The following ZC2HC1C variants were observed in gnomAD, a reference collection of about 807,000 sequenced individuals.
ZC2HC1C encodes zinc finger C2HC-type containing 1C, also known as zinc finger C2HC domain-containing protein 1C.
Under a neutral mutation model 39.2 loss-of-function variants are expected in ZC2HC1C, and 25 were observed. The observed-to-expected ratio is 0.64, with a 90% CI of 0.47 to 0.89. The LOEUF (loss-of-function observed/expected upper bound fraction) is 0.89. ZC2HC1C is among the 40% of genes least tolerant of loss of function. The pLI, the probability that ZC2HC1C is intolerant of heterozygous loss-of-function variation, is 0.00. For missense variants in ZC2HC1C, 519 were observed against 548.6 expected (o/e 0.95, Z 0.54); for synonymous variants, 209 against 214.4 (o/e 0.97, Z 0.22).
chr14:75,076,678 C>T (rs1893685523), intron 2 of ZC2HC1C, among the ~76,000 whole-genome samples: 1 of 152,078 alleles, frequency 6.6e-6, no homozygotes, highest in Non-Finnish European at 1.5e-5. Context: ...TTTATGGACA[C>T]AATCTCTTCT....
At chr14:75,072,708 A>C (rs980552437) in intron 2 of ZC2HC1C, among the ~76,000 whole-genome samples, 3 of 152,212 alleles carry the variant, frequency 2.0e-5, no homozygotes, top group African/African-American at 7.2e-5. Context: ...AGGTTGTGCC[A>C]CTTGGTTTAT....
Position 75,071,229 on chromosome 14 carries a change from C to G in ZC2HC1C, c.656C>G (p.Ala219Gly), listed in dbSNP as rs766959291. Residue 219 changes from alanine to glycine, a missense_variant, in exon 2 of 3, where the codon GCA (alanine) becomes GGA (glycine). Coordinates refer to ENST00000524913, the MANE Select transcript of ZC2HC1C (RefSeq NM_024643.4). Reference sequence around the variant, plus strand: ...GTGCAGATCCGAAGACTAGAAGCTGCAGGGGAGAGCTTAGAGGAGGAAATC... The same window carrying G: ...GTGCAGATCCGAAGACTAGAAGCTGGAGGGGAGAGCTTAGAGGAGGAAATC... ...EWVQIRRLEA[A>G]GESLEEEIRR... The G allele has an allele frequency of 1.2e-6, 2 of 1,614,024 alleles. No individual in the cohort carries two copies. Among genetic ancestry groups the G allele is most frequent in the African/African-American group, 2.7e-5 (2 of 74,896 alleles).
At position 75,077,625 on chromosome 14, in the gene ZC2HC1C, A is replaced by C; in HGVS notation, c.*61A>C. 6.2e-7 allele frequency: 1 copy of C among 1,605,410 alleles called. No homozygotes were observed. The highest frequency in any genetic ancestry group is 8.5e-7 in the Non-Finnish European group (1 of 1,173,072). On this transcript the variant is annotated 3_prime_UTR_variant, in exon 3 of 3. Coordinates refer to ENST00000524913, the MANE Select transcript of ZC2HC1C (RefSeq NM_024643.4). The stretch of plus-strand genomic sequence containing the variant: ...TCGAGAGGTCCAGCAGGTAACTGCC[A>C]AAGGTGGAAACTGTTCACACTTGCC...
Position 75,071,374 on chromosome 14 carries a change from AC to A in ZC2HC1C, c.802del (p.Leu268SerfsTer65). 6.2e-7 allele frequency: 1 copy of A among 1,613,882 alleles called. No homozygotes were observed. ...NENGELQKII[L>X]PRSRVKGNKS... ...AAAACGGAGAGCTACAGAAAATTAT[AC>A]TCCCCAGGAGCAGAGTTAAAGGTAA... On this transcript the variant is annotated frameshift_variant, in exon 2 of 3. Transcript: ENST00000524913. LOFTEE classifies it high-confidence loss of function.
At chr14:75,074,336 A>T (rs916346964) in intron 2 of ZC2HC1C, among the ~76,000 whole-genome samples, 2 of 152,132 alleles carry the variant, frequency 1.3e-5, no homozygotes, top group Admixed American at 1.3e-4. Flanking sequence ...ATTATTCATC[A>T]TTAACAATGC....
At chr14:75,073,786 G>A (rs1466027857) in intron 2 of ZC2HC1C, among the ~76,000 whole-genome samples, 1 of 152,196 alleles carries the variant, frequency 6.6e-6, no homozygotes, top group East Asian at 1.9e-4. Flanking sequence ...TCAGTACAAT[G>A]AGGAATAAAA....
rs540850941 is a variant in ZC2HC1C, at chr14:75,076,462, A to ATGGG, written c.1339-1069_1339-1068insGGGT. The stretch of plus-strand genomic sequence containing the variant: ...TTTGTGTATTTTTAGTAGAGATGGG[A>ATGGG]TTTCACCGTCTTAGCCAGGATGGTC... On this transcript the variant is annotated intron_variant, in intron 2 of 2. Coordinates refer to ENST00000524913, the MANE Select transcript of ZC2HC1C (RefSeq NM_024643.4). 7.7e-4 allele frequency among the ~76,000 whole-genome samples: 117 copies of ATGGG among 151,946 alleles called. 1 individual carries two copies. The highest frequency in any genetic ancestry group is 2.5e-3 in the African/African-American group (105 of 41,484).
intron 2 of ZC2HC1C, among the ~76,000 whole-genome samples, chr14:75,073,328 A>C (rs1327459663): frequency 6.6e-6 from 1 of 152,224 alleles, no homozygotes; most frequent in Non-Finnish European, 1.5e-5. Context: ...ATCCACTGGG[A>C]ATTCACTCTA....
At chr14:75,074,355 C>G (rs1893566428) in intron 2 of ZC2HC1C, among the ~76,000 whole-genome samples, 1 of 152,058 alleles carries the variant, frequency 6.6e-6, no homozygotes, top group African/African-American at 2.4e-5. Flanking sequence ...GCCAGATCAC[C>G]AAGAGCTAGT....
Position 75,078,982 on chromosome 14 carries a change from GTA to G in ZC2HC1C, c.*1420_*1421del, listed in dbSNP as rs1224099864. 6.6e-6 allele frequency: 1 copy of G among 151,900 alleles called. No homozygotes were observed. Among genetic ancestry groups the G allele is most frequent in the Non-Finnish European group, 1.5e-5 (1 of 67,972 alleles). The allele number at this position is 151,900 out of a possible 1,614,324, so 9.4% of individuals were successfully genotyped here. A position where few individuals can be genotyped will look rare whatever the true frequency, so the allele number is the denominator to read the frequency against. On this transcript the variant is annotated 3_prime_UTR_variant, in exon 3 of 3. Transcript: ENST00000524913. ...AACTGATAAGTTAATGTCTGCGAGAGTATTATCAGTTCAGATAGGAGTGAAGT... is the reference window on the plus strand; with the variant it reads ...AACTGATAAGTTAATGTCTGCGAGAGTTATCAGTTCAGATAGGAGTGAAGT...
Position 75,071,555 on chromosome 14 carries a change from A to T in ZC2HC1C, c.982A>T (p.Arg328Trp). 6.2e-7 allele frequency: 1 copy of T among 1,614,076 alleles called. No homozygotes were observed. Among genetic ancestry groups the T allele is most frequent in the South Asian group, 1.1e-5 (1 of 91,066 alleles). ...TGATTATAGAATCCAGAGGCTCAAA[A>T]GGGAAAGGCTGGTAGCAAGCAATAA... ...FSDYRIQRLK[R>W]ERLVASNNKI... The change falls in exon 2 of 3, where the codon AGG becomes TGG. Residue 328 changes from arginine to tryptophan, a missense_variant. Coordinates refer to ENST00000524913, the MANE Select transcript of ZC2HC1C (RefSeq NM_024643.4).
chr14:75,075,660 T>C (rs938505437), intron 2 of ZC2HC1C, among the ~76,000 whole-genome samples: 2 of 152,232 alleles, frequency 1.3e-5, no homozygotes, highest in Admixed American at 6.5e-5. Context: ...TATTTTGAAA[T>C]TCTGAAACTT....
rs568787362 is a variant in ZC2HC1C at position 75,071,687 on chromosome 14, A to G, written c.1114A>G (p.Met372Val). Residue 372 changes from methionine to valine, a missense_variant, in exon 2 of 3, where the codon ATG becomes GTG. Physicochemically the swap from Met to Val is conservative, Grantham distance 21 (BLOSUM62 1). Coordinates refer to ENST00000524913, the MANE Select transcript of ZC2HC1C (RefSeq NM_024643.4). ...ATCCGCCAGAAATTCCAGCCTGTCCATGGCACCAGACTCCTCAGGTTCCAG... is the reference window on the plus strand; with the variant it reads ...ATCCGCCAGAAATTCCAGCCTGTCCGTGGCACCAGACTCCTCAGGTTCCAG... ...QGSARNSSLS[M>V]APDSSGSSGS... The G allele has an allele frequency of 1.2e-6, 2 of 1,614,204 alleles. No homozygotes were observed. Among genetic ancestry groups the G allele is most frequent in the Admixed American group, 1.7e-5 (1 of 60,030 alleles).
intron 2 of ZC2HC1C, among the ~76,000 whole-genome samples, chr14:75,075,718 G>T (rs1893637174): frequency 6.6e-6 from 1 of 152,090 alleles, no homozygotes; most frequent in Non-Finnish European, 1.5e-5. Context: ...ATCTCAAAAT[G>T]TGTGACCTTT....
chr14:75,075,888 C>G (rs1418952165), intron 2 of ZC2HC1C, among the ~76,000 whole-genome samples: 2 of 152,166 alleles, frequency 1.3e-5, no homozygotes, highest in African/African-American at 4.8e-5. Context: ...GAAACCCCAT[C>G]TCTACTAAAA....
At chr14:75,076,785 T>C (rs1893691846) in intron 2 of ZC2HC1C, among the ~76,000 whole-genome samples, 1 of 152,224 alleles carries the variant, frequency 6.6e-6, no homozygotes, top group African/African-American at 2.4e-5. Flanking sequence ...GTGGACTTTT[T>C]GGCTCTTTTT....
At chr14:75,075,640 A>G (rs1261647397) in intron 2 of ZC2HC1C, among the ~76,000 whole-genome samples, 1 of 151,994 alleles carries the variant, frequency 6.6e-6, no homozygotes, top group African/African-American at 2.4e-5. Context: ...AGGCTACGGG[A>G]TTCTCTATTT....
At position 75,071,792 on chromosome 14, in the gene ZC2HC1C, T is replaced by C. The variant is rs1482568472; in HGVS notation, c.1219T>C (p.Ser407Pro). The C allele has an allele frequency of 1.2e-6, 2 of 1,613,934 alleles. No individual in the cohort carries two copies. Among genetic ancestry groups the C allele is most frequent in the Admixed American group, 3.3e-5 (2 of 59,978 alleles). Reference protein sequence around the residue: ...KFLSFRLERHSNICSRMRGSK... With the variant: ...KFLSFRLERHPNICSRMRGSK... ...CCTCTCGTTCAGGCTGGAGAGACAC[T>C]CCAACATCTGCAGCAGGATGCGGGG... Residue 407 changes from serine (S) to proline (P), a missense_variant, in exon 2 of 3, where the codon TCC becomes CCC. Transcript: ENST00000524913.
chr14:75,077,133 T>G (rs1456300896), intron 2 of ZC2HC1C, among the ~76,000 whole-genome samples: 1 of 152,228 alleles, frequency 6.6e-6, no homozygotes, highest in Non-Finnish European at 1.5e-5. Flanking sequence ...CTAGATTTCC[T>G]GAGTCAGAAA....
Sources: allele counts gnomAD v4.1 joint callset (sites outside exome capture counted in the v4.1 genomes callset), GRCh38; gene constraint gnomAD v4.1.1; transcripts MANE v1.5; gene names NCBI Gene and HGNC (gene_info 2026-07-23, HGNC 2026-07-21).